DEFB134: variants seen among roughly 807,000 people sequenced by gnomAD.
DEFB134 encodes the protein defensin beta 134, also known as beta-defensin 134.
DEFB134 carries 7 observed loss-of-function variants against 7.4 expected under a neutral mutation model. That is an observed-to-expected ratio of 0.95 (90% CI 0.54 to 1.79). DEFB134 has a LOEUF of 1.79. Among genes scored for constraint, DEFB134 ranks in the 40% most tolerant of loss-of-function variants. The pLI is 0.00. For synonymous variants in DEFB134, 33 were observed against 25.0 expected (o/e 1.32, Z -0.96); for missense variants, 105 against 74.8 (o/e 1.40, Z -1.49).
intron 1 of DEFB134, among the ~76,000 whole-genome samples, chr8:11,995,851 G>A (rs1185816349): frequency 2.0e-5 from 3 of 151,670 alleles, no homozygotes. Flanking sequence ...ATTATGTATG[G>A]ACATATTCCA....
chr8:11,997,521 G>T (rs1442181589), upstream of DEFB134, among the ~76,000 whole-genome samples: 1 of 152,190 alleles, frequency 6.6e-6, no homozygotes, highest in East Asian at 1.9e-4. Flanking sequence ...GAAAGGGATG[G>T]AGAAAGATCT....
chr8:12,000,355 C>G (rs1463745728), upstream of DEFB134, among the ~76,000 whole-genome samples: 1 of 152,054 alleles, frequency 6.6e-6, no homozygotes, highest in South Asian at 2.1e-4. Context: ...CAGTATTGGG[C>G]TGAAAGTCTA....
At chr8:11,993,678 A>G (rs1478376751) in exon 2 of DEFB134, 1 of 252,828 alleles carries the variant, frequency 4.0e-6, no homozygotes, top group African/African-American at 2.2e-5. Context: ...GCCTTTCTAA[A>G]TAATAAGAAT....
At chr8:11,994,945 T>C (rs928783361) in intron 1 of DEFB134, among the ~76,000 whole-genome samples, 3 of 152,202 alleles carry the variant, frequency 2.0e-5, no homozygotes, top group African/African-American at 7.2e-5. Context: ...ATGAAATCAA[T>C]TCTGAAGATT....
At chr8:11,998,379 G>A (rs1448832590), upstream of DEFB134, among the ~76,000 whole-genome samples, 1 of 151,882 alleles carries the variant, frequency 6.6e-6, no homozygotes, top group Non-Finnish European at 1.5e-5. Flanking sequence ...TGCGCCTAAG[G>A]GGTTGGGACT....
At chr8:11,999,544 T>A (rs1029018214), upstream of DEFB134, 2 of 152,244 alleles carry the variant, frequency 1.3e-5, no homozygotes, top group Non-Finnish European at 2.9e-5. Flanking sequence ...CAGAACGGAC[T>A]ATTACTATCA....
upstream of DEFB134, among the ~76,000 whole-genome samples, chr8:11,998,497 T>A (rs1042932137): frequency 6.6e-6 from 1 of 151,592 alleles, no homozygotes; most frequent in East Asian, 1.9e-4. Context: ...TTGAAACTGA[T>A]GAAAACAAAG....
upstream of DEFB134, among the ~76,000 whole-genome samples, chr8:11,997,563 G>A (rs1015964444): frequency 6.6e-6 from 1 of 152,118 alleles, no homozygotes; most frequent in Non-Finnish European, 1.5e-5. Context: ...AAGAACAGTG[G>A]TTGCTATTCT....
upstream of DEFB134, among the ~76,000 whole-genome samples, chr8:12,000,468 C>T (rs1225264661): frequency 1.3e-5 from 2 of 152,148 alleles, no homozygotes; most frequent in Non-Finnish European, 2.9e-5. Context: ...ATTCCTTATT[C>T]ATGGGGCTAT....
exon 2 of DEFB134, chr8:11,994,086 C>G: frequency 6.2e-7 from 1 of 1,613,390 alleles, no homozygotes; most frequent in African/African-American, 1.3e-5. Flanking sequence ...ATTTTTATAG[C>G]ATTTCTTGTG....
chr8:11,999,194 A>C (rs929975923), upstream of DEFB134: 1 of 196,162 alleles, frequency 5.1e-6, no homozygotes, highest in Non-Finnish European at 1.2e-5. Context: ...CTTAGCAACC[A>C]GCCAGTGAGG....
chr8:11,994,211 A>G (rs1488063958), intron 1 of DEFB134, 89 bp from the exon 3 acceptor site: 3 of 1,438,646 alleles, frequency 2.1e-6, no homozygotes, highest in East Asian at 2.3e-5. Context: ...CCAACCGGAT[A>G]CCAAGGAGAT....
upstream of DEFB134, chr8:11,996,372 T>C: frequency 9.3e-7 from 1 of 1,076,616 alleles, no homozygotes; most frequent in East Asian, 2.5e-5. Context: ...TATGCCTCGC[T>C]TCAGGTAGAT....
At chr8:11,999,809 G>A (rs558160673), upstream of DEFB134, among the ~76,000 whole-genome samples, 1 of 152,256 alleles carries the variant, frequency 6.6e-6, no homozygotes, top group African/African-American at 2.4e-5. Context: ...GGAGATGTGC[G>A]CATCATTTGA....
chr8:11,996,157 T>G lies in DEFB134; in HGVS notation c.58+37A>C, dbSNP rs1235715694. 9.3e-6 allele frequency: 15 copies of G among 1,611,790 alleles called. No individual in the cohort carries two copies. The African/African-American group carries it at 9.3e-5, about 10-fold the overall frequency. ...TGTTTAGTGGCATTGTTCTTCTATA[T>G]GAAGCACCCCTACCCCCCAAAATAT... is the stretch of plus-strand genomic sequence containing the variant. On this transcript the variant is annotated intron_variant, in intron 1 of 1. Transcript: ENST00000526438.
At chr8:11,995,268 C>T (rs1297723204) in intron 1 of DEFB134, among the ~76,000 whole-genome samples, 4 of 152,126 alleles carry the variant, frequency 2.6e-5, no homozygotes, top group African/African-American at 7.2e-5. Flanking sequence ...TGCCATAAAC[C>T]GTAATGGAAT....
chr8:11,993,541 G>GTA (rs1219527704), exon 2 of DEFB134: 1 of 155,382 alleles, frequency 6.4e-6, no homozygotes, highest in Non-Finnish European at 1.4e-5. Context: ...TGTGAGAGAT[G>GTA]TACAAGGTTG....
chr8:11,995,434 G>A (rs553979277), intron 1 of DEFB134, among the ~76,000 whole-genome samples: 1 of 152,300 alleles, frequency 6.6e-6, no homozygotes, highest in African/African-American at 2.4e-5. Context: ...TGACTGGACT[G>A]ATTCAGTAAC....
chr8:11,997,873 A>C (rs1236605812), upstream of DEFB134, among the ~76,000 whole-genome samples: 1 of 152,244 alleles, frequency 6.6e-6, no homozygotes, highest in Non-Finnish European at 1.5e-5. Context: ...AAATGGACTT[A>C]ACAGACATCT....
Sources: allele counts gnomAD v4.1 joint callset (sites outside exome capture counted in the v4.1 genomes callset), GRCh38; gene constraint gnomAD v4.1.1; transcripts MANE v1.5; gene names NCBI Gene and HGNC (gene_info 2026-07-23, HGNC 2026-07-21).